The following SLX4IP variants were observed in gnomAD, a reference collection of about 807,000 sequenced individuals.
SLX4IP encodes SLX4 interacting protein, also known as protein SLX4IP.
A neutral mutation model predicts 32.9 loss-of-function variants in SLX4IP; 34 were observed. That is an observed-to-expected ratio of 1.03 (90% CI 0.79 to 1.38). The LOEUF (loss-of-function observed/expected upper bound fraction) is 1.38, where lower values mean the gene tolerates loss of function less well. Ranked by LOEUF, SLX4IP falls within the 40% of genes most tolerant of loss-of-function variation. The pLI is 0.00. For synonymous variants in SLX4IP, 172 were observed against 171.7 expected, an observed-to-expected ratio of 1.00 and a Z score of -0.01; for missense variants, 444 against 479.0, an observed-to-expected ratio of 0.93 and a Z score of 0.68.
chr20:10,563,124 C>T (rs1472653967), intron 4 of SLX4IP, among the ~76,000 whole-genome samples: 3 of 152,168 alleles, frequency 2.0e-5, no homozygotes. Flanking sequence ...GGTGAGATAT[C>T]TAATTGTGGT....
chr20:10,487,062 C>T (rs1254619594), intron 2 of SLX4IP, among the ~76,000 whole-genome samples: 1 of 152,174 alleles, frequency 6.6e-6, no homozygotes, highest in Non-Finnish European at 1.5e-5. Context: ...GAGCCGCCTG[C>T]ACGCTTTTCT....
chr20:10,566,950 G>A (rs1049208558), intron 4 of SLX4IP, among the ~76,000 whole-genome samples: 14 of 152,180 alleles, frequency 9.2e-5, no homozygotes, highest in African/African-American at 3.1e-4. Context: ...CCTCTGTGAT[G>A]AAAGAGGTCA....
chr20:10,584,938 A>ATTTTACAGAGGTT (rs1465390179), intron 4 of SLX4IP, among the ~76,000 whole-genome samples: 212 of 152,364 alleles, frequency 1.4e-3, no homozygotes, highest in African/African-American at 4.9e-3. Context: ...AATTAAGAGG[A>ATTTTACAGAGGTT]ATGTCTGTTA....
At position 10,623,194 on chromosome 20, in the gene SLX4IP, C is replaced by T. The variant is rs781303399; in HGVS notation, c.1042C>T (p.Gln348Ter). The T allele has an allele frequency of 6.2e-7, 1 of 1,614,058 alleles. No homozygotes were observed. The highest frequency in any genetic ancestry group is 2.2e-5 in the East Asian group (1 of 44,894). ...ELSDPGLLLK[Q>*]DLAKTTSKEE... ...GTCAGATCCAGGGTTACTTTTGAAA[C>T]AAGATTTGGCAAAAACCACGTCTAA... The change falls in exon 8 of 8, where the codon CAA becomes TAA. Residue 348 changes from glutamine (Q) to a stop codon, truncating the protein, a stop_gained. Transcript: ENST00000334534. LOFTEE classifies it high-confidence loss of function.
intron 2 of SLX4IP, among the ~76,000 whole-genome samples, chr20:10,495,883 G>A (rs1443786140): frequency 6.6e-6 from 1 of 150,584 alleles, no homozygotes; most frequent in Non-Finnish European, 1.5e-5. Flanking sequence ...AAATAGCTGG[G>A]TTTTTTTTTG....
chr20:10,457,863 A>C (rs1709577064), intron 1 of SLX4IP, among the ~76,000 whole-genome samples: 1 of 150,650 alleles, frequency 6.6e-6, no homozygotes, highest in Admixed American at 6.6e-5. Context: ...CTTTCTGTAG[A>C]GATGAGGTCT....
intron 1 of SLX4IP, among the ~76,000 whole-genome samples, chr20:10,438,483 T>G (rs1397205094): frequency 2.7e-5 from 4 of 146,226 alleles, no homozygotes; most frequent in African/African-American, 5.1e-5. Context: ...TTTTTTTTTT[T>G]TTTTTTTTTT....
intron 2 of SLX4IP, among the ~76,000 whole-genome samples, chr20:10,539,059 G>A (rs2066076606): frequency 6.6e-6 from 1 of 152,134 alleles, no homozygotes; most frequent in South Asian, 2.1e-4. Flanking sequence ...CAGTTCCCTT[G>A]TTTGTTAAAT....
At chr20:10,495,765 C>G (rs2065661924) in intron 2 of SLX4IP, among the ~76,000 whole-genome samples, 1 of 152,066 alleles carries the variant, frequency 6.6e-6, no homozygotes, top group East Asian at 1.9e-4. Flanking sequence ...GTTTTGTCTG[C>G]TATTAATATT....
At chr20:10,586,153 A>G (rs1238821731) in intron 4 of SLX4IP, among the ~76,000 whole-genome samples, 3 of 152,160 alleles carry the variant, frequency 2.0e-5, no homozygotes, top group Non-Finnish European at 2.9e-5. Flanking sequence ...TGTTAGTCCT[A>G]TGGCTACTGA....
intron 2 of SLX4IP, among the ~76,000 whole-genome samples, chr20:10,477,852 T>TA (rs2065488313): frequency 6.6e-6 from 1 of 152,122 alleles, no homozygotes; most frequent in South Asian, 2.1e-4. Flanking sequence ...TTCAGCTGCT[T>TA]AAGATGTGAA....
At chr20:10,595,334 T>C (rs1214166383) in intron 4 of SLX4IP, among the ~76,000 whole-genome samples, 2 of 152,148 alleles carry the variant, frequency 1.3e-5, no homozygotes, top group Non-Finnish European at 2.9e-5. Context: ...CATACTGAAA[T>C]GTGATTTGCA....
At chr20:10,568,456 G>A (rs1440005076) in intron 4 of SLX4IP, among the ~76,000 whole-genome samples, 2 of 152,220 alleles carry the variant, frequency 1.3e-5, no homozygotes, top group Non-Finnish European at 2.9e-5. Context: ...GCTAGGTGCT[G>A]TAGTTCTCCA....
chr20:10,564,400 G>T (rs1667470366), intron 4 of SLX4IP, among the ~76,000 whole-genome samples: 1 of 152,170 alleles, frequency 6.6e-6, no homozygotes, highest in South Asian at 2.1e-4. Context: ...AGGTAGTTTG[G>T]ATGAATGTGG....
At chr20:10,487,652 G>C (rs988632758) in intron 2 of SLX4IP, among the ~76,000 whole-genome samples, 2 of 152,104 alleles carry the variant, frequency 1.3e-5, no homozygotes, top group Non-Finnish European at 2.9e-5. Context: ...AGACCTGTTG[G>C]GAATCTGAGG....
chr20:10,574,061 A>G (rs1322765127), intron 4 of SLX4IP, among the ~76,000 whole-genome samples: 1 of 152,242 alleles, frequency 6.6e-6, no homozygotes, highest in African/African-American at 2.4e-5. Flanking sequence ...TTGCTTTCTC[A>G]AAAACTGGGG....
At chr20:10,450,624 A>C (rs2065233495) in intron 1 of SLX4IP, among the ~76,000 whole-genome samples, 1 of 152,240 alleles carries the variant, frequency 6.6e-6, no homozygotes, top group Non-Finnish European at 1.5e-5. Flanking sequence ...TCCATTTAAA[A>C]AATTAGGATC....
At chr20:10,617,468 C>T (rs1049294650) in intron 6 of SLX4IP, among the ~76,000 whole-genome samples, 2 of 152,060 alleles carry the variant, frequency 1.3e-5, no homozygotes, top group Non-Finnish European at 2.9e-5. Flanking sequence ...TTTTCTCTGC[C>T]GTTTTAGGCC....
intron 4 of SLX4IP, among the ~76,000 whole-genome samples, chr20:10,596,994 A>G (rs1251278993): frequency 6.6e-6 from 1 of 152,250 alleles, no homozygotes; most frequent in Non-Finnish European, 1.5e-5. Context: ...ATCCTTTCAT[A>G]GATGTCACTG....
Sources: allele counts gnomAD v4.1 joint callset (sites outside exome capture counted in the v4.1 genomes callset), GRCh38; gene constraint gnomAD v4.1.1; transcripts MANE v1.5; gene names NCBI Gene and HGNC (gene_info 2026-07-23, HGNC 2026-07-21).